HCK: variants seen among roughly 807,000 people sequenced by gnomAD.
HCK encodes the protein tyrosine-protein kinase HCK.
In HCK, 40 loss-of-function variants were observed where a neutral mutation model predicts 70.4. The observed-to-expected ratio is 0.57, with a 90% confidence interval of 0.44 to 0.74. The LOEUF is 0.74. HCK is among the 30% of genes least tolerant of loss of function. The pLI is 0.00. For synonymous variants in HCK, 245 were observed against 263.2 expected, an observed-to-expected ratio of 0.93 and a Z score of 0.67; for missense variants, 568 against 697.2, an observed-to-expected ratio of 0.81 and a Z score of 2.09.
intron 5 of HCK, among the ~76,000 whole-genome samples, chr20:32,075,980 A>G (rs1195277502): frequency 2.0e-5 from 3 of 152,278 alleles, no homozygotes; most frequent in African/African-American, 7.2e-5. Flanking sequence ...TGGGTTTGGG[A>G]TGCTTGCCTG....
intron 5 of HCK, among the ~76,000 whole-genome samples, chr20:32,079,045 G>A (rs1442556198): frequency 3.3e-5 from 5 of 152,162 alleles, no homozygotes; most frequent in Non-Finnish European, 5.9e-5. Context: ...GCAGGCTGAG[G>A]TCAGGTCTGG....
At chr20:32,058,400 C>G (rs1022352916) in intron 1 of HCK, among the ~76,000 whole-genome samples, 2 of 151,812 alleles carry the variant, frequency 1.3e-5, no homozygotes, top group East Asian at 3.9e-4. Context: ...GGCGTGGTGG[C>G]GGGCGCCTGT....
At chr20:32,083,411 T>C (rs1188109615) in intron 6 of HCK, among the ~76,000 whole-genome samples, 1 of 152,206 alleles carries the variant, frequency 6.6e-6, no homozygotes. Flanking sequence ...TGGGTTTTTT[T>C]CCAGAAAAGT....
chr20:32,069,579 T>G, intron 1 of HCK: 1 of 388,024 alleles, frequency 2.6e-6, no homozygotes, highest in Non-Finnish European at 5.1e-6. Flanking sequence ...GTTTCAGTTT[T>G]AAATGCATGC....
intron 1 of HCK, among the ~76,000 whole-genome samples, chr20:32,063,193 T>A (rs2045405050): frequency 6.6e-6 from 1 of 152,170 alleles, no homozygotes; most frequent in South Asian, 2.1e-4. Flanking sequence ...TATGATGAGG[T>A]CCATAGAGAG....
intron 6 of HCK, 51 bp from the exon 7 acceptor site, chr20:32,083,843 T>C (rs774123100): frequency 6.2e-7 from 1 of 1,607,122 alleles, no homozygotes; most frequent in Non-Finnish European, 8.5e-7. Context: ...TAATGCAAGG[T>C]GGCAGGCCTC....
chr20:32,070,524 T>A (rs1434322917), intron 1 of HCK, among the ~76,000 whole-genome samples: 1 of 152,148 alleles, frequency 6.6e-6, no homozygotes, highest in African/African-American at 2.4e-5. Context: ...CCTCAGAGTG[T>A]CCCCTCACTG....
intron 10 of HCK, 151 bp downstream of exon 10, chr20:32,088,795 T>A: frequency 4.9e-6 from 3 of 616,076 alleles, no homozygotes; most frequent in Non-Finnish European, 8.7e-6. Flanking sequence ...TTTTTGCATA[T>A]ATTTTATTAT....
At chr20:32,099,971 C>T (rs937397553) in intron 12 of HCK, among the ~76,000 whole-genome samples, 2 of 151,060 alleles carry the variant, frequency 1.3e-5, no homozygotes, top group African/African-American at 4.9e-5. Context: ...GTAATCATAG[C>T]TCATGGCAGC....
intron 5 of HCK, among the ~76,000 whole-genome samples, chr20:32,076,042 G>T (rs1464518502): frequency 6.6e-6 from 1 of 152,166 alleles, no homozygotes; most frequent in Non-Finnish European, 1.5e-5. Context: ...CCTCCTTCTG[G>T]CTGGGCATGG....
At position 32,058,389 on chromosome 20, in the gene HCK, G is replaced by C. The variant is rs548114605; in HGVS notation, c.62+5903G>C. Reference sequence around the variant, plus strand: ...TCTACTAAAAATGCAAAAATTAGCCGGGCGTGGTGGCGGGCGCCTGTAATT... The same window carrying C: ...TCTACTAAAAATGCAAAAATTAGCCCGGCGTGGTGGCGGGCGCCTGTAATT... On this transcript the variant is annotated intron_variant, in intron 1 of 12. Coordinates refer to ENST00000375852, the MANE Select transcript of HCK (RefSeq NM_002110.5). Among the ~76,000 whole-genome samples, 7 of 151,938 alleles carry C rather than the reference G, an allele frequency of 4.6e-5. No homozygotes were observed. The South Asian group carries it at 6.2e-4, about 14-fold the overall frequency.
chr20:32,100,673 A>G (rs2046021218), intron 12 of HCK, among the ~76,000 whole-genome samples: 1 of 152,240 alleles, frequency 6.6e-6, no homozygotes, highest in Non-Finnish European at 1.5e-5. Flanking sequence ...CAGACATTGA[A>G]TGGCTATTCT....
In HCK at chr20:32,052,416, G is replaced by T; in HGVS notation, c.-9G>T. ...GCACTGGCACCCCGGAACCTCAGGG[G>T]CTGCCGAGCTGGGGGGGCGCTCAAG... is the stretch of plus-strand genomic sequence containing the variant. On this transcript the variant is annotated 5_prime_UTR_variant, in exon 1 of 13. Transcript: ENST00000375852. 5 of 1,286,748 alleles carry T rather than the reference G, an allele frequency of 3.9e-6. No individual in the cohort carries two copies. The highest frequency in any genetic ancestry group is 8.3e-5 in the Admixed American group (2 of 24,000). The allele number at this position is 1,286,748 out of a possible 1,614,324, so 79.7% of individuals were successfully genotyped here. A position where few individuals can be genotyped will look rare whatever the true frequency, so the allele number is the denominator to read the frequency against.
intron 9 of HCK, among the ~76,000 whole-genome samples, 168 bp downstream of exon 9, chr20:32,086,975 G>T (rs1391578591): frequency 2.0e-5 from 3 of 152,228 alleles, no homozygotes; most frequent in Admixed American, 2.0e-4. Context: ...CAGCCCTCCT[G>T]GTTAGTGGGG....
chr20:32,055,008 T>C (rs1408362759), intron 1 of HCK, among the ~76,000 whole-genome samples: 1 of 152,206 alleles, frequency 6.6e-6, no homozygotes, highest in Non-Finnish European at 1.5e-5. Context: ...ACAGTATTTC[T>C]CTTTCCCCTG....
At chr20:32,086,112 T>C (rs2045781745) in intron 8 of HCK, among the ~76,000 whole-genome samples, 1 of 152,180 alleles carries the variant, frequency 6.6e-6, no homozygotes, top group Non-Finnish European at 1.5e-5. Context: ...CTCCGTCTCC[T>C]GGGTTCACAC....
chr20:32,068,512 C>T (rs1034390265), intron 1 of HCK, among the ~76,000 whole-genome samples: 2 of 151,990 alleles, frequency 1.3e-5, no homozygotes, highest in African/African-American at 4.8e-5. Flanking sequence ...GCCTAGTGAC[C>T]ATGAACATGG....
At chr20:32,059,354 C>G (rs1436526441) in intron 1 of HCK, among the ~76,000 whole-genome samples, 1 of 148,770 alleles carries the variant, frequency 6.7e-6, no homozygotes, top group Non-Finnish European at 1.5e-5. Flanking sequence ...TTCCCCCCTT[C>G]TCCTCCTCCT....
intron 12 of HCK, among the ~76,000 whole-genome samples, chr20:32,100,235 G>T (rs2046015430): frequency 6.6e-6 from 1 of 152,122 alleles, no homozygotes; most frequent in African/African-American, 2.4e-5. Context: ...GAGAGACAAG[G>T]TATTGCTATG....
Sources: allele counts gnomAD v4.1 joint callset (sites outside exome capture counted in the v4.1 genomes callset), GRCh38; gene constraint gnomAD v4.1.1; transcripts MANE v1.5; gene names NCBI Gene and HGNC (gene_info 2026-07-23, HGNC 2026-07-21).